Variants in AKNAD1 observed in about 807,000 individuals in gnomAD.
AKNAD1 encodes protein AKNAD1.
In AKNAD1, 67 loss-of-function variants were observed where a neutral mutation model predicts 90.8. That is an observed-to-expected ratio of 0.74 (90% CI 0.61 to 0.90). The LOEUF (loss-of-function observed/expected upper bound fraction) is 0.90, where lower values mean the gene tolerates loss of function less well. Ranked by LOEUF, AKNAD1 falls within the 40% of genes least tolerant of loss-of-function variation. AKNAD1 has a pLI of 0.00. For synonymous variants in AKNAD1, 327 were observed against 341.4 expected, an observed-to-expected ratio of 0.96 and a Z score of 0.46; for missense variants, 957 against 975.4, an observed-to-expected ratio of 0.98 and a Z score of 0.25.
At position 108,852,747 on chromosome 1, in the gene AKNAD1, C is replaced by T. The variant is rs1664909667; in HGVS notation, c.-83G>A. 2 of 1,300,510 alleles carry T rather than the reference C, an allele frequency of 1.5e-6. No individual in the cohort carries two copies. Among genetic ancestry groups the T allele is most frequent in the Admixed American group, 2.3e-5 (1 of 42,728 alleles). 80.6% of individuals were successfully genotyped at this position (1,300,510 alleles called of 1,614,324 possible). A position where few individuals can be genotyped will look rare whatever the true frequency, so the allele number is the denominator to read the frequency against. ...TAACAATAGCTCTGGTTCTCACTGACTGTCTTCACTGTGTGCTATTCTGTG... is the reference window on the plus strand; with the variant it reads ...TAACAATAGCTCTGGTTCTCACTGATTGTCTTCACTGTGTGCTATTCTGTG... On this transcript the variant is annotated 5_prime_UTR_variant, in exon 2 of 16. Coordinates refer to ENST00000370001, the MANE Select transcript of AKNAD1 (RefSeq NM_152763.5).
chr1:108,851,503 G>A (rs4970815), intron 2 of AKNAD1, among the ~76,000 whole-genome samples, 169 bp downstream of exon 2: 39,576 of 152,038 alleles, frequency 0.26, 5,407 homozygotes, highest in Middle Eastern at 0.35. Context: ...GATGCTTCTC[G>A]TGAGGACACT....
intron 9 of AKNAD1, 52 bp downstream of exon 9, chr1:108,834,394 TA>T: frequency 6.8e-7 from 1 of 1,462,050 alleles, no homozygotes; most frequent in Non-Finnish European, 9.4e-7. Flanking sequence ...TGGTTTTAGT[TA>T]AAGAGCCAAC....
At chr1:108,854,606 C>T (rs898856928) in intron 1 of AKNAD1, among the ~76,000 whole-genome samples, 5 of 152,012 alleles carry the variant, frequency 3.3e-5, no homozygotes, top group African/African-American at 4.8e-5. Flanking sequence ...GTTAGAGAAC[C>T]CAAATTAAAC....
At chr1:108,856,761 A>G (rs1309434650) in intron 1 of AKNAD1, among the ~76,000 whole-genome samples, 168 bp downstream of exon 1, 1 of 139,674 alleles carries the variant, frequency 7.2e-6, no homozygotes, top group South Asian at 2.2e-4. Flanking sequence ...CACACAGACA[A>G]AGAAAGAAAG....
At chr1:108,846,486 G>A (rs1302334813) in intron 5 of AKNAD1, among the ~76,000 whole-genome samples, 3 of 152,088 alleles carry the variant, frequency 2.0e-5, no homozygotes, top group Non-Finnish European at 4.4e-5. Context: ...CTGGCTTCCA[G>A]ATCCACCACT....
intron 5 of AKNAD1, among the ~76,000 whole-genome samples, chr1:108,846,197 C>A (rs1033038848): frequency 1.3e-5 from 2 of 152,090 alleles, no homozygotes; most frequent in South Asian, 4.1e-4. Context: ...GTAGCCCTGT[C>A]TGGCTTTTTT....
chr1:108,843,162 T>C lies in AKNAD1; in HGVS notation c.1351A>G (p.Thr451Ala), dbSNP rs754345409. ...TCTGGATCAAAGTCACCAACGATTG[T>C]TGATTCGTGCTTGTGGACTTGCTGC... ...LQQQVHKHES[T>A]IVGDFDPERK... is the part of the protein sequence containing the mutation. The change falls in exon 6 of 16, where the codon ACA becomes GCA. Residue 451 changes from threonine (T) to alanine (A), a missense_variant. By Grantham distance (58) the Thr-to-Ala change is moderately conservative. Coordinates refer to ENST00000370001, the MANE Select transcript of AKNAD1 (RefSeq NM_152763.5). 3.0e-5 allele frequency: 49 copies of C among 1,614,072 alleles called. No individual in the cohort carries two copies. In the African/African-American group the frequency reaches 5.2e-4, roughly 17 times the overall value.
intron 13 of AKNAD1, chr1:108,823,087 G>C: frequency 6.1e-6 from 4 of 652,710 alleles, no homozygotes; most frequent in Non-Finnish European, 1.1e-5. Context: ...TATTTGTTCA[G>C]CAAACATTTA....
At position 108,815,924 on chromosome 1, in the gene AKNAD1, T is replaced by C. The variant is rs543413054; in HGVS notation, c.*247A>G. On this transcript the variant is annotated 3_prime_UTR_variant, in exon 16 of 16. Transcript: ENST00000370001. ...TGTTTTGTTTTGATTTCTTTTATTATGAGTTAAGAAGAACATAGATTTATT... is the reference window on the plus strand; with the variant it reads ...TGTTTTGTTTTGATTTCTTTTATTACGAGTTAAGAAGAACATAGATTTATT... The C allele has an allele frequency of 3.2e-5, 8 of 246,790 alleles. No individual in the cohort carries two copies. Among genetic ancestry groups the C allele is most frequent in the Admixed American group, 1.1e-4 (2 of 18,144 alleles). The allele number at this position is 246,790 out of a possible 1,614,324, so 15.3% of individuals were successfully genotyped here. A position where few individuals can be genotyped will look rare whatever the true frequency, so the allele number is the denominator to read the frequency against.
In AKNAD1 at chr1:108,820,564, G is replaced by A. The variant is rs1477656725; in HGVS notation, c.2230C>T (p.His744Tyr). The A allele has an allele frequency of 2.5e-6, 4 of 1,608,416 alleles. No individual in the cohort carries two copies. The African/African-American group carries it at 5.4e-5, about 22-fold the overall frequency. The part of the protein sequence containing the change: ...RVNSKSFKGE[H>Y]EPTPGKKKLQ... ...ACTTACTTTCCTGGTGTGGGCTCAT[G>A]TTCACCTTTAAAGGATTTTGAATTC... Residue 744 changes from histidine (H) to tyrosine (Y), a missense_variant, in exon 14 of 16, where the codon CAT becomes TAT. By Grantham distance (83) the His-to-Tyr change is moderately conservative (BLOSUM62 2). Coordinates refer to ENST00000370001, the MANE Select transcript of AKNAD1 (RefSeq NM_152763.5).
At position 108,837,632 on chromosome 1, in the gene AKNAD1, T is replaced by C. The variant is rs1664425071; in HGVS notation, c.1454A>G (p.Tyr485Cys). ...CACAGGAAGGGAAGGAGCTGAAGTA[T>C]ATTTGCTTTCATCCATTTTCTCTTT... ...DVKEKMDESK[Y>C]TSAPSLPVSS... Residue 485 changes from tyrosine (Y) to cysteine (C), a missense_variant, in exon 7 of 16, where the codon TAT becomes TGT. By Grantham distance (194) the Tyr-to-Cys change is radical. Transcript: ENST00000370001. 6.2e-7 allele frequency: 1 copy of C among 1,614,084 alleles called. No individual in the cohort carries two copies. Among genetic ancestry groups the C allele is most frequent in the African/African-American group, 1.3e-5 (1 of 74,946 alleles).
chr1:108,820,765 A>G (rs1403688783), intron 13 of AKNAD1, 139 bp from the exon 14 acceptor site: 1 of 585,424 alleles, frequency 1.7e-6, no homozygotes. Flanking sequence ...GGAAACATAG[A>G]CAACAAAGAA....
rs78639717 is a variant in AKNAD1, at chr1:108,820,008, G to A, written c.2249+537C>T. On this transcript the variant is annotated intron_variant, in intron 14 of 15. Transcript: ENST00000370001. Reference sequence around the variant, plus strand: ...TCCTGGAGCTGACAAGTCTCTGTACGGTCTGGCCCTGACAATTCCACCAAC... The same window carrying A: ...TCCTGGAGCTGACAAGTCTCTGTACAGTCTGGCCCTGACAATTCCACCAAC... Among the ~76,000 whole-genome samples, 1,101 of 150,790 alleles carry A rather than the reference G, an allele frequency of 7.3e-3. 14 individuals are homozygous for A. Among genetic ancestry groups the A allele is most frequent in the African/African-American group, 0.026 (1,051 of 41,022 alleles).
chr1:108,833,309 G>A (rs1329830480), intron 9 of AKNAD1, among the ~76,000 whole-genome samples: 1 of 152,208 alleles, frequency 6.6e-6, no homozygotes, highest in African/African-American at 2.4e-5. Flanking sequence ...TGGGCCAGGC[G>A]CAGTGGCTCA....
At chr1:108,855,774 ACT>A (rs1475184623) in intron 1 of AKNAD1, among the ~76,000 whole-genome samples, 1 of 152,022 alleles carries the variant, frequency 6.6e-6, no homozygotes, top group African/African-American at 2.4e-5. Flanking sequence ...CAACAGCAAG[ACT>A]CTGTCTCAAA....
chr1:108,843,116 A>T lies in AKNAD1; in HGVS notation c.1379+18T>A. 2 of 1,613,458 alleles carry T rather than the reference A, an allele frequency of 1.2e-6. No homozygotes were observed. The highest frequency in any genetic ancestry group is 1.1e-5 in the South Asian group (1 of 90,964). On this transcript the variant is annotated intron_variant, in intron 6 of 15. Transcript: ENST00000370001. The stretch of plus-strand genomic sequence containing the variant: ...CACCTTTGACCCTTCCACCTTACAC[A>T]GTTGGTTTAAATCTGACCTTTCTGG...
At chr1:108,817,358 T>C (rs578060855) in intron 14 of AKNAD1, 181 bp from the exon 15 acceptor site, 59 of 626,588 alleles carry the variant, frequency 9.4e-5, no homozygotes, top group African/African-American at 4.4e-4. Flanking sequence ...CTTCAGAAAA[T>C]GGTTGTTGCC....
intron 1 of AKNAD1, among the ~76,000 whole-genome samples, chr1:108,853,669 C>T (rs190721176): frequency 2.0e-5 from 3 of 152,106 alleles, no homozygotes; most frequent in Non-Finnish European, 4.4e-5. Context: ...CACGGTGCCT[C>T]ACACCTGTAA....
At chr1:108,841,923 A>G (rs1391124101) in intron 6 of AKNAD1, among the ~76,000 whole-genome samples, 2 of 152,160 alleles carry the variant, frequency 1.3e-5, no homozygotes, top group African/African-American at 4.8e-5. Flanking sequence ...TACTCATGCC[A>G]GGCACAGTGT....
Sources: allele counts gnomAD v4.1 joint callset (sites outside exome capture counted in the v4.1 genomes callset), GRCh38; gene constraint gnomAD v4.1.1; transcripts MANE v1.5; gene names NCBI Gene and HGNC (gene_info 2026-07-23, HGNC 2026-07-21).